ADAMTS13: variants seen among roughly 807,000 people sequenced by gnomAD.
The protein encoded by ADAMTS13 is A disintegrin and metalloproteinase with thrombospondin motifs 13.
Under a neutral mutation model 155.1 loss-of-function variants are expected in ADAMTS13, and 110 were observed. The observed-to-expected ratio is 0.71, with a 90% CI of 0.61 to 0.83. ADAMTS13 has a LOEUF of 0.83. ADAMTS13 is among the 40% of genes least tolerant of loss of function. The pLI is 0.00. For synonymous variants in ADAMTS13, 758 were observed against 756.4 expected (o/e 1.00, Z -0.03); for missense variants, 1,707 against 1,891.7 (o/e 0.90, Z 1.81).
chr9:133,457,265 G>T (rs1842802985), intron 27 of ADAMTS13, among the ~76,000 whole-genome samples: 1 of 152,204 alleles, frequency 6.6e-6, no homozygotes, highest in African/African-American at 2.4e-5. Context: ...GGCCGAAGTT[G>T]GCTTCCCTAG....
In ADAMTS13 at chr9:133,427,525, C is replaced by G. The variant is rs587713274; in HGVS notation, c.687-1109C>G. Among the ~76,000 whole-genome samples, 28 of 152,296 alleles carry G rather than the reference C, an allele frequency of 1.8e-4. No homozygotes were observed. The South Asian group carries it at 5.8e-3, about 32-fold the overall frequency. On this transcript the variant is annotated intron_variant, in intron 6 of 28. Transcript: ENST00000355699. ...TTCCTGGGTGTGGGACAAGGCAGGG[C>G]TCCTTCTCCCTCAGAGGGAGCATAG...
At position 133,433,544 on chromosome 9, in the gene ADAMTS13, G is replaced by T. The variant is rs1403922652; in HGVS notation, c.1244+15G>T. 6.2e-7 allele frequency: 1 copy of T among 1,613,626 alleles called. No individual in the cohort carries two copies. The highest frequency in any genetic ancestry group is 8.5e-7 in the Non-Finnish European group (1 of 1,179,954). On this transcript the variant is annotated intron_variant, in intron 10 of 28. Transcript: ENST00000355699. ...AACAACCCCAGGTACCGCAGGGAGG[G>T]TGCTTTTCTGTCAGGGAGTGTGGCC...
chr9:133,424,373 T>C lies in ADAMTS13; in HGVS notation c.225T>C (p.Ala75=), dbSNP rs143856697. ...GGCAGAGGCAGAGGCAGAGGCGGGC[T>C]GCAGGCGGCATCCTACACCTGGAGC... ...FQRQRQRQRR[A]AGGILHLELL... Residue 75 remains alanine, a synonymous_variant, in exon 3 of 29, where the codon GCT becomes GCC. Coordinates refer to ENST00000355699, the MANE Select transcript of ADAMTS13 (RefSeq NM_139027.6). This position sits in a 1 kb window ranked among gnomAD's most constrained non-coding sequence, Gnocchi z 4.3. 14 of 1,613,244 alleles carry C rather than the reference T, an allele frequency of 8.7e-6. No individual in the cohort carries two copies. The highest frequency in any genetic ancestry group is 1.7e-4 in the Middle Eastern group (1 of 5,936).
At chr9:133,428,870 C>G (rs970850245) in intron 7 of ADAMTS13, 99 bp downstream of exon 7, 1 of 1,142,932 alleles carries the variant, frequency 8.7e-7, no homozygotes. Context: ...CCGCATTCAG[C>G]CCTCCTTCCT....
upstream of ADAMTS13, among the ~76,000 whole-genome samples, chr9:133,418,541 A>T (rs921945697): frequency 5.3e-5 from 8 of 152,242 alleles, no homozygotes; most frequent in Non-Finnish European, 1.0e-4. Flanking sequence ...AGTGGGGAGC[A>T]TCGGCAGACT....
upstream of ADAMTS13, among the ~76,000 whole-genome samples, chr9:133,419,959 C>A (rs1839886404): frequency 6.6e-6 from 1 of 151,198 alleles, no homozygotes. Flanking sequence ...GGCTGGAGTG[C>A]AATGGCGCAA....
chr9:133,438,994 G>C (rs1439901265), intron 14 of ADAMTS13, among the ~76,000 whole-genome samples: 1 of 152,118 alleles, frequency 6.6e-6, no homozygotes, highest in African/African-American at 2.4e-5. Context: ...CCCACTGAGA[G>C]GGACACAAGT....
At chr9:133,420,639 C>G (rs1554782944), upstream of ADAMTS13, among the ~76,000 whole-genome samples, 1 of 152,194 alleles carries the variant, frequency 6.6e-6, no homozygotes, top group Admixed American at 6.5e-5. Flanking sequence ...GAACAGATAG[C>G]TGTGAAACCA....
chr9:133,429,784 G>A (rs1386121595), intron 7 of ADAMTS13, 155 bp from the exon 8 acceptor site: 5 of 1,041,560 alleles, frequency 4.8e-6, no homozygotes, highest in East Asian at 5.2e-5. Context: ...GCCAAGAGCC[G>A]GCTCCTGGTG....
At position 133,425,897 on chromosome 9, in the gene ADAMTS13, G is replaced by C; in HGVS notation, c.415-41G>C. ...CCGACCGCAGTCAGCACCGTGCCTG[G>C]TTGGGGTGTCCTAAATGCAGGCTTT... On this transcript the variant is annotated intron_variant, in intron 4 of 28. Coordinates refer to ENST00000355699, the MANE Select transcript of ADAMTS13 (RefSeq NM_139027.6). This position sits in a 1 kb window ranked among gnomAD's most constrained non-coding sequence, Gnocchi z 4.6. 6.2e-7 allele frequency: 1 copy of C among 1,611,938 alleles called. No individual in the cohort carries two copies. The highest frequency in any genetic ancestry group is 1.1e-5 in the South Asian group (1 of 91,030).
At chr9:133,453,397 C>T (rs1842558094) in intron 23 of ADAMTS13, among the ~76,000 whole-genome samples, 1 of 152,120 alleles carries the variant, frequency 6.6e-6, no homozygotes, top group Non-Finnish European at 1.5e-5. Context: ...GATTGTGCTA[C>T]TGCACTCCAG....
upstream of ADAMTS13, among the ~76,000 whole-genome samples, chr9:133,419,598 C>A (rs961460818): frequency 1.3e-5 from 2 of 151,976 alleles, no homozygotes; most frequent in African/African-American, 2.4e-5. Flanking sequence ...GGAGGAGAAG[C>A]GGATGTGAGT....
At position 133,439,694 on chromosome 9, in the gene ADAMTS13, G is replaced by A. The variant is rs587740220; in HGVS notation, c.1786+248G>A. 1.2e-4 allele frequency among the ~76,000 whole-genome samples: 19 copies of A among 152,338 alleles called. No homozygotes were observed. In the East Asian group the frequency reaches 3.7e-3, roughly 29 times the overall value. ...AAGAGATGTAGGCAGAGTCTGGGAG[G>A]GTCCAACCAGGAGGCCTGATGTCTC... On this transcript the variant is annotated intron_variant, in intron 15 of 28. Transcript: ENST00000355699.
At chr9:133,442,323 G>T (rs1440598693) in intron 16 of ADAMTS13, 76 bp from the exon 17 acceptor site, 1 of 1,607,650 alleles carries the variant, frequency 6.2e-7, no homozygotes, top group Non-Finnish European at 8.5e-7. Flanking sequence ...AAGTTGGAAG[G>T]CTTCCCAGGG....
At chr9:133,458,555 CAAAA>C (rs10699153) in intron 28 of ADAMTS13, among the ~76,000 whole-genome samples, 10 of 56,224 alleles carry the variant, frequency 1.8e-4, no homozygotes, top group South Asian at 1.2e-3. Context: ...GACTCTGTCT[CAAAA>C]AAAAAAAAAA....
At chr9:133,439,891 T>C (rs665741) in intron 15 of ADAMTS13, among the ~76,000 whole-genome samples, 15,043 of 152,240 alleles carry the variant, frequency 0.099, 805 homozygotes, top group African/African-American at 0.14. Context: ...CCAGCCCCTA[T>C]CCTAAATCAC....
chr9:133,450,565 CAA>C (rs924514326), intron 23 of ADAMTS13, among the ~76,000 whole-genome samples: 16 of 74,810 alleles, frequency 2.1e-4, no homozygotes, highest in African/African-American at 2.9e-4. Flanking sequence ...AACTCCATCT[CAA>C]AAAAAAAAAA....
At chr9:133,455,900 C>T (rs1842713207) in intron 25 of ADAMTS13, 169 bp from the exon 26 acceptor site, 3 of 895,550 alleles carry the variant, frequency 3.3e-6, no homozygotes, top group South Asian at 1.5e-5. Flanking sequence ...GAGGGTGATG[C>T]TCTGACCTAT....
intron 23 of ADAMTS13, among the ~76,000 whole-genome samples, chr9:133,453,827 T>C (rs1842583500): frequency 6.6e-6 from 1 of 152,152 alleles, no homozygotes; most frequent in Non-Finnish European, 1.5e-5. Context: ...CACCTCCCAG[T>C]GTCATGTAGA....
Sources: gnomAD v4.1 joint callset for allele counts (sites outside exome capture counted in the v4.1 genomes callset) on GRCh38, gnomAD v4.1.1 for gene constraint, Gnocchi (gnomAD v3.1) non-coding constraint, MANE v1.5 for transcripts, NCBI Gene and HGNC (gene_info 2026-07-23, HGNC 2026-07-21) for gene names.